TRMO: variants seen among roughly 807,000 people sequenced by gnomAD.
TRMO encodes the protein tRNA methyltransferase O, also known as tRNA (adenine(37)-N6)-methyltransferase.
TRMO carries 30 observed loss-of-function variants against 37.2 expected under a neutral mutation model. That is an observed-to-expected ratio of 0.81 (90% CI 0.60 to 1.09). The LOEUF (loss-of-function observed/expected upper bound fraction) is 1.09, where lower values mean the gene tolerates loss of function less well. Ranked by LOEUF, TRMO falls within the 50% of genes least tolerant of loss-of-function variation. The pLI is 0.00. For synonymous variants in TRMO, 239 were observed against 199.4 expected (o/e 1.20, Z -1.67); for missense variants, 552 against 549.5 (o/e 1.00, Z -0.05).
chr9:97,898,097 A>G, the TRMO span, among the ~76,000 whole-genome samples: 4 of 152,314 alleles, frequency 2.6e-5, no homozygotes, highest in African/African-American at 9.6e-5. Flanking sequence ...GTGTAAGCTC[A>G]TATGCCAAGT....
Position 97,910,417 on chromosome 9 carries a change from G to GCC in TRMO, c.608_609insGG (p.Ser204AlafsTer30). On this transcript the variant is annotated frameshift_variant, in exon 4 of 5. Coordinates refer to ENST00000375119, the MANE Select transcript of TRMO (RefSeq NM_016481.5). LOFTEE classifies it high-confidence loss of function. ...GGGGTTGTGGCTCATCACACCCTGA[G>GCC]AGCTGTCGCTGGTCACAGCTGTCAG... 11 of 1,614,178 alleles carry GCC rather than the reference G, an allele frequency of 6.8e-6. No individual in the cohort carries two copies. Among genetic ancestry groups the GCC allele is most frequent in the Non-Finnish European group, 9.3e-6 (11 of 1,180,022 alleles).
At chr9:97,912,161 T>C (rs565646404) in intron 3 of TRMO, 2 of 152,340 alleles carry the variant, frequency 1.3e-5, no homozygotes, top group African/African-American at 4.8e-5. Context: ...CACTGTGAGA[T>C]AAGGTACGTG....
At chr9:97,910,979 C>T (rs748903336) in intron 3 of TRMO, 16 of 483,008 alleles carry the variant, frequency 3.3e-5, no homozygotes, top group Non-Finnish European at 5.3e-5. Context: ...CATCCCTAGA[C>T]GCAGGCAGGC....
At chr9:97,898,579 G>T in the TRMO span, among the ~76,000 whole-genome samples, 1,320 of 151,796 alleles carry the variant, frequency 8.7e-3, 13 homozygotes, top group Non-Finnish European at 0.014. Context: ...TTTTAGAGAC[G>T]GGCTTTTCAC....
At chr9:97,921,529 T>C (rs1244450442) in intron 1 of TRMO, among the ~76,000 whole-genome samples, 1 of 151,826 alleles carries the variant, frequency 6.6e-6, no homozygotes, top group African/African-American at 2.4e-5. Flanking sequence ...TTCATGCCAT[T>C]CTCCTGCCTC....
Position 97,910,555 on chromosome 9 carries a change from C to T in TRMO, c.471G>A (p.Lys157=). The T allele has an allele frequency of 6.2e-7, 1 of 1,614,114 alleles. No individual in the cohort carries two copies. The highest frequency in any genetic ancestry group is 8.5e-7 in the Non-Finnish European group (1 of 1,179,980). The part of the protein sequence containing the change: ...MIHGTPVLDI[K]PYIAEYDSPQ... The stretch of plus-strand genomic sequence containing the variant: ...GTGAGTCATACTCAGCTATGTAGGG[C>T]TTGATGTCTAGTACGGGTGTGCCAT... The change falls in exon 4 of 5, where the codon AAG becomes AAA. Residue 157 remains lysine, a synonymous_variant. Transcript: ENST00000375119.
intron 1 of TRMO, among the ~76,000 whole-genome samples, chr9:97,921,492 C>T (rs1826630305): frequency 6.7e-6 from 1 of 150,026 alleles, no homozygotes. Flanking sequence ...GGCGCGATCT[C>T]GGCTCACTGC....
rs1364071729 is a variant in TRMO, at chr9:97,910,021, G to T, written c.1005C>A (p.Ala335=). 6.2e-7 allele frequency: 1 copy of T among 1,604,562 alleles called. No individual in the cohort carries two copies. The highest frequency in any genetic ancestry group is 8.5e-7 in the Non-Finnish European group (1 of 1,174,584). Residue 335 remains alanine (A), a synonymous_variant, in exon 4 of 5, where the codon GCC becomes GCA. Transcript: ENST00000375119. ...GAGGAGTAAACCGCACTTCTAAAGT[G>T]GCCACAGGAGCCTCTGTCACCCAGG... ...VPAWVTEAPV[A]TLEVRFTPHA...
chr9:97,916,204 C>G lies in TRMO; in HGVS notation c.211G>C (p.Glu71Gln). The G allele has an allele frequency of 6.2e-7, 1 of 1,613,402 alleles. No homozygotes were observed. The highest frequency in any genetic ancestry group is 8.5e-7 in the Non-Finnish European group (1 of 1,179,650). The change falls in exon 2 of 5, where the codon GAA becomes CAA. Residue 71 changes from glutamate (E) to glutamine (Q), a missense_variant. Glu to Gln is a conservative substitution (Grantham distance 29). Transcript: ENST00000375119. ...TGTTCTAGGCCCATCAAGGAATGTTCAGGATTATTAAAGATCCTCTTTCTA... is the reference window on the plus strand; with the variant it reads ...TGTTCTAGGCCCATCAAGGAATGTTGAGGATTATTAAAGATCCTCTTTCTA... ...RIRKRIFNNP[E>Q]HSLMGLEQFS...
chr9:97,897,949 G>A, the TRMO span, among the ~76,000 whole-genome samples: 2 of 152,182 alleles, frequency 1.3e-5, no homozygotes, highest in Non-Finnish European at 2.9e-5. Flanking sequence ...TTGCAGCCTT[G>A]AACTCCTGGG....
chr9:97,897,139 A>C, the TRMO span, among the ~76,000 whole-genome samples: 3 of 152,262 alleles, frequency 2.0e-5, no homozygotes, highest in Non-Finnish European at 2.9e-5. Flanking sequence ...TCCTATTCAT[A>C]CATTTTCTCA....
At chr9:97,916,504 C>A (rs911083871) in intron 1 of TRMO, among the ~76,000 whole-genome samples, 166 bp from the exon 2 acceptor site, 1 of 152,066 alleles carries the variant, frequency 6.6e-6, no homozygotes, top group African/African-American at 2.4e-5. Context: ...GTATTCTCAT[C>A]ATTACATACA....
downstream of TRMO, among the ~76,000 whole-genome samples, chr9:97,902,450 G>A (rs1177589766): frequency 1.3e-5 from 2 of 152,196 alleles, no homozygotes; most frequent in African/African-American, 2.4e-5. Context: ...ACAGGCATGC[G>A]CCATTACCAC....
intron 1 of TRMO, among the ~76,000 whole-genome samples, chr9:97,917,001 A>G (rs906284142): frequency 1.3e-5 from 2 of 151,316 alleles, no homozygotes; most frequent in Non-Finnish European, 2.9e-5. Flanking sequence ...GGGTTTCACC[A>G]TATTGGTCAG....
intron 3 of TRMO, chr9:97,910,990 C>T (rs1245638061): frequency 2.1e-6 from 1 of 477,514 alleles, no homozygotes; most frequent in African/African-American, 2.0e-5. Context: ...GCAGGCAGGC[C>T]CCTTAACACA....
intron 3 of TRMO, chr9:97,912,202 C>T (rs1349992908): frequency 6.6e-6 from 1 of 152,238 alleles, no homozygotes; most frequent in Non-Finnish European, 1.5e-5. Context: ...AAGCACTGCA[C>T]AAACACTAGT....
intron 1 of TRMO, among the ~76,000 whole-genome samples, chr9:97,918,789 C>A (rs755382401): frequency 1.3e-5 from 2 of 152,164 alleles, no homozygotes; most frequent in Admixed American, 1.3e-4. Context: ...AAAACTAGAG[C>A]GTTACTAACG....
Position 97,922,429 on chromosome 9 carries a change from G to A in TRMO, c.65C>T (p.Ala22Val). Reference sequence around the variant, plus strand: ...GTGTTGGAAGTTACCTGTCTCCAGAGCCGGCTTAACGCAGCCGCACGGGGT... The same window carrying A: ...GTGTTGGAAGTTACCTGTCTCCAGAACCGGCTTAACGCAGCCGCACGGGGT... ...TATPCGCVKP[A>V]LETGNLLTEP... The change falls in exon 1 of 5, where the codon GCT (alanine) becomes GTT (valine). Residue 22 changes from alanine to valine, a missense_variant. By Grantham distance (64) the Ala-to-Val change is moderately conservative. Transcript: ENST00000375119. The A allele has an allele frequency of 6.3e-7, 1 of 1,583,412 alleles. No homozygotes were observed. The highest frequency in any genetic ancestry group is 8.6e-7 in the Non-Finnish European group (1 of 1,164,584).
chr9:97,898,838 C>CTTTTTTTTTTTT, the TRMO span, among the ~76,000 whole-genome samples: 7 of 89,056 alleles, frequency 7.9e-5, no homozygotes, highest in South Asian at 3.9e-4. Flanking sequence ...TATATATATA[C>CTTTTTTTTTTTT]TTTTTTTTTT....
Sources: gnomAD v4.1 joint callset for allele counts (sites outside exome capture counted in the v4.1 genomes callset) on GRCh38, gnomAD v4.1.1 for gene constraint, MANE v1.5 for transcripts, NCBI Gene and HGNC (gene_info 2026-07-23, HGNC 2026-07-21) for gene names.